TMEM132B: variants seen among roughly 807,000 people sequenced by gnomAD.
The protein encoded by TMEM132B is transmembrane protein 132B.
Under a neutral mutation model 90.8 loss-of-function variants are expected in TMEM132B, and 18 were observed. That is an observed-to-expected ratio of 0.20 (90% CI 0.14 to 0.29). The LOEUF (loss-of-function observed/expected upper bound fraction) is 0.29. Ranked by LOEUF, TMEM132B falls within the 10% of genes least tolerant of loss-of-function variation. The pLI is 1.00. For synonymous variants in TMEM132B, 504 were observed against 523.3 expected (o/e 0.96, Z 0.50); for missense variants, 1,096 against 1,326.8 (o/e 0.83, Z 2.70).
At chr12:125,516,836 G>T (rs547783693) in intron 3 of TMEM132B, among the ~76,000 whole-genome samples, 1 of 152,194 alleles carries the variant, frequency 6.6e-6, no homozygotes, top group Non-Finnish European at 1.5e-5. Flanking sequence ...AGCACAGTGC[G>T]GCCCAAAGAG....
At chr12:125,236,046 G>A (rs1054093130) in intron 1 of TMEM132B, among the ~76,000 whole-genome samples, 1 of 151,662 alleles carries the variant, frequency 6.6e-6, no homozygotes, top group Non-Finnish European at 1.5e-5. Flanking sequence ...CAAGTGATCC[G>A]CCCACCTTAG....
rs1386450142 is a variant in TMEM132B at position 125,458,816 on chromosome 12, G to A, written c.1106+43139G>A. ...AGATGTTGGGGTCCTGTACACAAAA[G>A]GCACCACAACAGGAGAATGAGTCCT... On this transcript the variant is annotated intron_variant, in intron 3 of 8. Coordinates refer to ENST00000682704, the MANE Select transcript of TMEM132B (RefSeq NM_001366854.1). This position sits in a 1 kb window ranked among gnomAD's most constrained non-coding sequence, Gnocchi z 4.9. 6.6e-6 allele frequency among the ~76,000 whole-genome samples: 1 copy of A among 152,194 alleles called. No individual in the cohort carries two copies. The highest frequency in any genetic ancestry group is 2.1e-4 in the South Asian group (1 of 4,824).
intron 4 of TMEM132B, among the ~76,000 whole-genome samples, chr12:125,542,632 G>A (rs2136732889): frequency 6.6e-6 from 1 of 152,246 alleles, no homozygotes; most frequent in African/African-American, 2.4e-5. Context: ...TGTCCTCAAG[G>A]CTCATCCATG....
At chr12:125,289,371 C>A (rs79498675) in intron 1 of TMEM132B, among the ~76,000 whole-genome samples, 1 of 152,026 alleles carries the variant, frequency 6.6e-6, no homozygotes, top group Non-Finnish European at 1.5e-5. Flanking sequence ...CTTCTTTAAT[C>A]GGCACAAGAA....
chr12:125,477,788 C>T lies in TMEM132B; in HGVS notation c.1107-41651C>T, dbSNP rs547641317. On this transcript the variant is annotated intron_variant, in intron 3 of 8. Coordinates refer to ENST00000682704, the MANE Select transcript of TMEM132B (RefSeq NM_001366854.1). ...TCTGAGAATGGGTGGACTGCCCCCTCAAGTGGGTCCCTGACCCCCGTGTAA... is the reference window on the plus strand; with the variant it reads ...TCTGAGAATGGGTGGACTGCCCCCTTAAGTGGGTCCCTGACCCCCGTGTAA... Among the ~76,000 whole-genome samples the T allele has an allele frequency of 4.6e-3, 697 of 152,326 alleles. 7 individuals carry two copies. Among genetic ancestry groups the T allele is most frequent in the African/African-American group, 0.015 (624 of 41,568 alleles).
intron 5 of TMEM132B, among the ~76,000 whole-genome samples, chr12:125,589,521 C>T (rs953407115): frequency 1.8e-4 from 27 of 146,540 alleles, no homozygotes; most frequent in Non-Finnish European, 2.7e-4. Context: ...TACCTGAGAC[C>T]GGGTAACTTA....
chr12:125,540,057 AT>A (rs1171769624), intron 4 of TMEM132B, among the ~76,000 whole-genome samples: 2 of 151,808 alleles, frequency 1.3e-5, no homozygotes, highest in South Asian at 4.2e-4. Context: ...TTTGCTTTTG[AT>A]TTTTTTCTTT....
intron 5 of TMEM132B, among the ~76,000 whole-genome samples, chr12:125,627,064 C>T (rs143618948): frequency 8.5e-5 from 13 of 152,232 alleles, no homozygotes; most frequent in African/African-American, 3.1e-4. Flanking sequence ...TTCCTTGGCT[C>T]TGCCTAATCT....
intron 5 of TMEM132B, chr12:125,584,216 C>T (rs1003707550): frequency 1.7e-6 from 1 of 586,396 alleles, no homozygotes; most frequent in South Asian, 1.9e-5. Context: ...AAGGGGAATC[C>T]CTGACCCTTA....
rs1874565745 is a variant in TMEM132B, at chr12:125,261,448, A to T, written c.67+74582A>T. ...GTTGTCTGATTTAAAGATCCAGTGGAATTGATTTTAATGCTTAGCTGAAAG... is the reference window on the plus strand; with the variant it reads ...GTTGTCTGATTTAAAGATCCAGTGGTATTGATTTTAATGCTTAGCTGAAAG... On this transcript the variant is annotated intron_variant, in intron 1 of 8. Transcript: ENST00000682704. Among the ~76,000 whole-genome samples the T allele has an allele frequency of 2.0e-5, 3 of 152,094 alleles. No homozygotes were observed. In the South Asian group the frequency reaches 6.2e-4, roughly 32 times the overall value.
intron 1 of TMEM132B, among the ~76,000 whole-genome samples, chr12:125,307,903 ATATT>A (rs1876030832): frequency 9.5e-6 from 1 of 105,164 alleles, no homozygotes; most frequent in African/African-American, 3.4e-5. Context: ...CTAAATATAT[ATATT>A]AAGTATATAT....
intron 6 of TMEM132B, among the ~76,000 whole-genome samples, chr12:125,648,400 T>C (rs1199864722): frequency 6.6e-6 from 1 of 152,160 alleles, no homozygotes; most frequent in Admixed American, 6.5e-5. Context: ...ATCATTAGAC[T>C]GTAATAAGTT....
chr12:125,607,628 G>A (rs1885729136), intron 5 of TMEM132B, among the ~76,000 whole-genome samples: 1 of 152,198 alleles, frequency 6.6e-6, no homozygotes, highest in Non-Finnish European at 1.5e-5. Flanking sequence ...ATAAAATATG[G>A]ACTGTCATCA....
intron 1 of TMEM132B, among the ~76,000 whole-genome samples, chr12:125,252,067 A>C (rs896062378): frequency 4.6e-5 from 7 of 152,200 alleles, no homozygotes; most frequent in Admixed American, 3.9e-4. Flanking sequence ...TCTAGTATAC[A>C]CTGACACTGG....
chr12:125,573,355 T>C (rs1262768385), intron 4 of TMEM132B, among the ~76,000 whole-genome samples: 1 of 152,160 alleles, frequency 6.6e-6, no homozygotes, highest in Non-Finnish European at 1.5e-5. Flanking sequence ...CCTTCTCCTT[T>C]CCATTTTTAA....
At chr12:125,651,671 G>T (rs1220849233) in intron 7 of TMEM132B, among the ~76,000 whole-genome samples, 2 of 152,146 alleles carry the variant, frequency 1.3e-5, no homozygotes, top group Non-Finnish European at 2.9e-5. Flanking sequence ...ATTTCTGCAG[G>T]TCAGGCATCT....
chr12:125,207,865 G>T (rs1223773751), intron 1 of TMEM132B, among the ~76,000 whole-genome samples: 1 of 152,128 alleles, frequency 6.6e-6, no homozygotes, highest in East Asian at 1.9e-4. Flanking sequence ...TATCTTCGAG[G>T]TTCACTCATG....
intron 1 of TMEM132B, among the ~76,000 whole-genome samples, chr12:125,316,030 G>C (rs190493253): frequency 1.2e-4 from 18 of 152,296 alleles, no homozygotes; most frequent in Admixed American, 8.5e-4. Flanking sequence ...TAGAGTAGCA[G>C]AGTTTGTCCT....
chr12:125,303,883 C>A (rs1175404115), intron 1 of TMEM132B, among the ~76,000 whole-genome samples: 1 of 152,124 alleles, frequency 6.6e-6, no homozygotes, highest in East Asian at 1.9e-4. Flanking sequence ...GGATAGTAAA[C>A]CCTTATCACA....
Sources: gnomAD v4.1 joint callset for allele counts (sites outside exome capture counted in the v4.1 genomes callset) on GRCh38, gnomAD v4.1.1 for gene constraint, Gnocchi (gnomAD v3.1) non-coding constraint, MANE v1.5 for transcripts, NCBI Gene and HGNC (gene_info 2026-07-23, HGNC 2026-07-21) for gene names.